LRRC69: variants seen among roughly 807,000 people sequenced by gnomAD.
The protein encoded by LRRC69 is leucine-rich repeat-containing protein 69.
A neutral mutation model predicts 37.8 loss-of-function variants in LRRC69; 42 were observed. The ratio of observed to expected loss-of-function variants is 1.11; its 90% confidence interval spans 0.87 to 1.44. The LOEUF (loss-of-function observed/expected upper bound fraction) is 1.44, where lower values mean the gene tolerates loss of function less well. Ranked by LOEUF, LRRC69 falls within the 40% of genes most tolerant of loss-of-function variation. The pLI, the probability that LRRC69 is intolerant of heterozygous loss-of-function variation, is 0.00. For missense variants in LRRC69, 357 were observed against 401.9 expected (o/e 0.89, Z 0.96); for synonymous variants, 141 against 143.1 (o/e 0.99, Z 0.11).
intron 5 of LRRC69, among the ~76,000 whole-genome samples, chr8:91,140,324 C>T (rs1808510376): frequency 6.6e-6 from 1 of 151,884 alleles, no homozygotes; most frequent in Non-Finnish European, 1.5e-5. Context: ...TTGCAAGTGT[C>T]CTCTGCTTCT....
intron 5 of LRRC69, among the ~76,000 whole-genome samples, chr8:91,142,447 A>G (rs1020957470): frequency 1.3e-5 from 2 of 152,070 alleles, no homozygotes; most frequent in African/African-American, 4.8e-5. Flanking sequence ...TTGTTATTGA[A>G]TAATTCCTTG....
intron 3 of LRRC69, among the ~76,000 whole-genome samples, chr8:91,129,771 TC>T (rs1307965976): frequency 2.0e-5 from 3 of 151,970 alleles, no homozygotes; most frequent in African/African-American, 7.2e-5. Flanking sequence ...TTGTTCTATT[TC>T]TTTCCTTCCT....
intron 3 of LRRC69, among the ~76,000 whole-genome samples, chr8:91,127,757 C>T (rs1447222878): frequency 6.6e-6 from 1 of 151,908 alleles, no homozygotes. Flanking sequence ...AGAGAGAACT[C>T]TGTTCAGGTT....
chr8:91,111,405 G>T (rs935321555), intron 1 of LRRC69, among the ~76,000 whole-genome samples: 1 of 151,912 alleles, frequency 6.6e-6, no homozygotes, highest in African/African-American at 2.4e-5. Context: ...ACAGTGGCAG[G>T]CGCATGTAAT....
intron 5 of LRRC69, among the ~76,000 whole-genome samples, chr8:91,183,713 A>G (rs901246122): frequency 6.6e-6 from 1 of 152,204 alleles, no homozygotes; most frequent in Non-Finnish European, 1.5e-5. Context: ...ATCAAGGAAA[A>G]TTTAGTTAGA....
intron 5 of LRRC69, among the ~76,000 whole-genome samples, chr8:91,180,947 G>GAAAAT (rs1368495647): frequency 1.3e-5 from 2 of 151,928 alleles, no homozygotes; most frequent in African/African-American, 2.4e-5. Context: ...GGCAAGAGAA[G>GAAAAT]AAAATAAAAT....
exon 6 of LRRC69, chr8:91,189,565 CACTGTT>C: frequency 1.3e-6 from 2 of 1,551,030 alleles, no homozygotes; most frequent in Non-Finnish European, 1.7e-6. Flanking sequence ...GAGGGAAACC[CACTGTT>C]CCTGCAGCAG....
chr8:91,138,701 G>T (rs1362465435), intron 5 of LRRC69: 1 of 151,846 alleles, frequency 6.6e-6, no homozygotes, highest in Admixed American at 6.6e-5. Flanking sequence ...GATCAAAAGA[G>T]TTTCTGTGTT....
intron 3 of LRRC69, chr8:91,130,630 T>C (rs769446700): frequency 1.3e-5 from 2 of 152,100 alleles, no homozygotes; most frequent in Non-Finnish European, 2.9e-5. Flanking sequence ...AAATCATTTG[T>C]CTTTTCTCCT....
At chr8:91,197,730 G>A (rs368430145) in intron 6 of LRRC69, among the ~76,000 whole-genome samples, 1 of 151,858 alleles carries the variant, frequency 6.6e-6, no homozygotes, top group Non-Finnish European at 1.5e-5. Context: ...CCCACTGACC[G>A]GCGCCCACTG....
chr8:91,200,768 T>G (rs1809699371), exon 7 of LRRC69: 4 of 1,531,898 alleles, frequency 2.6e-6, no homozygotes, highest in Non-Finnish European at 3.5e-6. Context: ...GGCTGGAATG[T>G]GTTCGATTTG....
At chr8:91,103,331 CAGGGA>C (rs1813254110) in intron 1 of LRRC69, among the ~76,000 whole-genome samples, 1 of 150,714 alleles carries the variant, frequency 6.6e-6, no homozygotes. Flanking sequence ...GGAGTGTTGG[CAGGGA>C]ATAGGAAGGA....
At chr8:91,120,668 T>A (rs542803315) in intron 1 of LRRC69, among the ~76,000 whole-genome samples, 2 of 152,212 alleles carry the variant, frequency 1.3e-5, no homozygotes, top group African/African-American at 4.8e-5. Context: ...CAGGAGAAAG[T>A]CCTCACGGGA....
chr8:91,112,989 A>G (rs1223748404), intron 1 of LRRC69, among the ~76,000 whole-genome samples: 1 of 152,024 alleles, frequency 6.6e-6, no homozygotes, highest in Non-Finnish European at 1.5e-5. Context: ...AATAAAAATA[A>G]TAAAGTACTC....
intron 5 of LRRC69, among the ~76,000 whole-genome samples, chr8:91,151,718 A>G (rs1458823921): frequency 6.6e-6 from 1 of 151,822 alleles, no homozygotes; most frequent in East Asian, 1.9e-4. Flanking sequence ...AGGAATCACC[A>G]CACTGTCTTC....
chr8:91,197,079 A>G lies in LRRC69; in HGVS notation c.754-3534A>G, dbSNP rs1017037883. Among the ~76,000 whole-genome samples, 292 of 151,820 alleles carry G rather than the reference A, an allele frequency of 1.9e-3. 3 individuals are homozygous for G. The highest frequency in any genetic ancestry group is 2.9e-3 in the Non-Finnish European group (195 of 67,902). On this transcript the variant is annotated intron_variant, in intron 6 of 7. Transcript: ENST00000448384. ...TCTAACAGACAGGACCCTCAGCTGCAGGTCTGTTGGAGTACCCTGCGGTGT... is the reference window on the plus strand; with the variant it reads ...TCTAACAGACAGGACCCTCAGCTGCGGGTCTGTTGGAGTACCCTGCGGTGT...
At chr8:91,116,909 C>T (rs1328171983) in intron 1 of LRRC69, among the ~76,000 whole-genome samples, 1 of 151,980 alleles carries the variant, frequency 6.6e-6, no homozygotes, top group Non-Finnish European at 1.5e-5. Context: ...ATACATTGAA[C>T]CTAGATTCTA....
At chr8:91,134,499 T>TC (rs11458640) in intron 4 of LRRC69, among the ~76,000 whole-genome samples, 102,533 of 151,146 alleles carry the variant, frequency 0.68, 35,329 homozygotes, top group Middle Eastern at 0.75. Context: ...TTTTTTTTCA[T>TC]CAAGTCACTA....
chr8:91,135,731 C>A, exon 5 of LRRC69: 1 of 1,432,516 alleles, frequency 7.0e-7, no homozygotes. Context: ...TCAGATATTT[C>A]CATCAGGAGT....
Sources: gnomAD v4.1 joint callset for allele counts (sites outside exome capture counted in the v4.1 genomes callset) on GRCh38, gnomAD v4.1.1 for gene constraint, MANE v1.5 for transcripts, NCBI Gene and HGNC (gene_info 2026-07-23, HGNC 2026-07-21) for gene names.